The following LRBA variants were observed in gnomAD, a reference collection of about 807,000 sequenced individuals.
The protein encoded by LRBA is lipopolysaccharide-responsive and beige-like anchor protein.
Under a neutral mutation model 330.0 loss-of-function variants are expected in LRBA, and 176 were observed. The ratio of observed to expected loss-of-function variants is 0.53; its 90% CI spans 0.47 to 0.60. LRBA has a LOEUF of 0.60. Among genes scored for constraint, LRBA ranks in the 20% least tolerant of loss-of-function variants. The pLI is 0.00. For missense variants in LRBA, 3,259 were observed against 3,444.8 expected, an observed-to-expected ratio of 0.95 and a Z score of 1.35; for synonymous variants, 1,230 against 1,193.0, an observed-to-expected ratio of 1.03 and a Z score of -0.64.
chr4:150,932,252 A>C (rs1313024333), intron 2 of LRBA, among the ~76,000 whole-genome samples: 11 of 152,042 alleles, frequency 7.2e-5, no homozygotes, highest in Non-Finnish European at 1.5e-4. Flanking sequence ...CAAAAAGTAA[A>C]TTAAACACTT....
intron 47 of LRBA, among the ~76,000 whole-genome samples, chr4:150,365,303 G>A (rs963005260): frequency 2.0e-5 from 3 of 151,908 alleles, no homozygotes; most frequent in African/African-American, 7.3e-5. Context: ...AACTGCACCC[G>A]GCCTCATTAT....
intron 31 of LRBA, among the ~76,000 whole-genome samples, chr4:150,810,554 G>A (rs1435487619): frequency 4.6e-5 from 7 of 152,100 alleles, no homozygotes; most frequent in Admixed American, 2.6e-4. Context: ...CATAGGATTC[G>A]TTTAAAAATG....
chr4:150,666,053 T>G (rs2126845243), intron 37 of LRBA, among the ~76,000 whole-genome samples: 1 of 152,018 alleles, frequency 6.6e-6, no homozygotes, highest in Admixed American at 6.6e-5. Context: ...AATGACTGCC[T>G]AGGGGCAGGG....
intron 2 of LRBA, among the ~76,000 whole-genome samples, chr4:150,932,222 C>T (rs1734582589): frequency 6.6e-6 from 1 of 151,196 alleles, no homozygotes; most frequent in Non-Finnish European, 1.5e-5. Context: ...TAATCAGAAA[C>T]TCTATATGCA....
At chr4:150,901,957 C>G (rs1226178626) in intron 13 of LRBA, among the ~76,000 whole-genome samples, 1 of 152,100 alleles carries the variant, frequency 6.6e-6, no homozygotes, top group Non-Finnish European at 1.5e-5. Context: ...ATGCATAACA[C>G]TGTATCATGG....
At chr4:150,305,322 C>G (rs1560989339) in intron 52 of LRBA, among the ~76,000 whole-genome samples, 1 of 152,220 alleles carries the variant, frequency 6.6e-6, no homozygotes, top group Non-Finnish European at 1.5e-5. Context: ...AGTCACTGCT[C>G]TGTTTCTCCA....
chr4:150,591,503 C>T (rs970197914), intron 38 of LRBA, among the ~76,000 whole-genome samples: 2 of 152,168 alleles, frequency 1.3e-5, no homozygotes, highest in Non-Finnish European at 1.5e-5. Context: ...CACTCCTCCG[C>T]CCTTTTGTCC....
intron 51 of LRBA, chr4:150,315,293 T>C (rs1352388100): frequency 5.7e-6 from 3 of 523,886 alleles, no homozygotes; most frequent in Non-Finnish European, 1.0e-5. Flanking sequence ...CAGTACTTCA[T>C]GCGCATTCTC....
intron 47 of LRBA, among the ~76,000 whole-genome samples, chr4:150,362,225 A>T (rs1339610701): frequency 1.3e-5 from 2 of 152,300 alleles, no homozygotes; most frequent in South Asian, 4.1e-4. Flanking sequence ...GAAATGTGGC[A>T]GTCATCTTGA....
intron 36 of LRBA, among the ~76,000 whole-genome samples, chr4:150,688,435 T>C (rs1005338713): frequency 6.6e-6 from 1 of 151,964 alleles, no homozygotes. Context: ...AATGGCAACA[T>C]AAGTCAAAAT....
intron 37 of LRBA, among the ~76,000 whole-genome samples, chr4:150,641,243 C>T (rs185673025): frequency 1.1e-4 from 16 of 152,216 alleles, no homozygotes; most frequent in Admixed American, 1.0e-3. Context: ...CCTCAATATC[C>T]TCAAAATGTA....
chr4:150,900,219 T>C lies in LRBA; in HGVS notation c.1756-2A>G, dbSNP rs1384417644. On this transcript the variant is annotated splice_acceptor_variant, in intron 13 of 56. Coordinates refer to ENST00000651943, the MANE Select transcript of LRBA (RefSeq NM_001364905.1). LOFTEE classifies it high-confidence loss of function. The stretch of plus-strand genomic sequence containing the variant: ...ATAAGTATAGAGCATCAGTTGAACC[T>C]ACAGAATAAAAATGAAGAACTTAGA... 1.2e-6 allele frequency: 2 copies of C among 1,601,818 alleles called. No individual in the cohort carries two copies. The highest frequency in any genetic ancestry group is 1.1e-5 in the South Asian group (1 of 88,484).
Position 150,282,455 on chromosome 4 carries a change from T to C in LRBA, c.8311A>G (p.Ile2771Val), listed in dbSNP as rs1386855763. 2 of 1,613,960 alleles carry C rather than the reference T, an allele frequency of 1.2e-6. No homozygotes were observed. Among genetic ancestry groups the C allele is most frequent in the East Asian group, 2.2e-5 (1 of 44,878 alleles). The change falls in exon 55 of 57, where the codon ATA becomes GTA. Residue 2771 changes from isoleucine (I) to valine (V), a missense_variant. By Grantham distance (29) the Ile-to-Val change is conservative. Transcript: ENST00000651943. The stretch of plus-strand genomic sequence containing the variant: ...AGAGTCCCCAGGGCACTCACTCTTA[T>C]GTTATCATCTGTTTCCATCGTGGCC... ...LQATMETDDNIRAIQLSRDGQ... is the reference protein window; with the variant it reads ...LQATMETDDNVRAIQLSRDGQ...
chr4:150,568,582 T>G (rs900285898), intron 40 of LRBA, among the ~76,000 whole-genome samples: 8 of 152,084 alleles, frequency 5.3e-5, no homozygotes, highest in African/African-American at 1.9e-4. Flanking sequence ...GTGTAAATAA[T>G]CCCAAAGAAA....
chr4:150,949,217 TAAAC>T (rs1736555153), intron 2 of LRBA, among the ~76,000 whole-genome samples: 1 of 152,044 alleles, frequency 6.6e-6, no homozygotes, highest in Non-Finnish European at 1.5e-5. Flanking sequence ...GCTAAATGGT[TAAAC>T]AAACTGTAGT....
chr4:150,855,171 T>A (rs1309606495), intron 22 of LRBA, among the ~76,000 whole-genome samples: 4 of 151,978 alleles, frequency 2.6e-5, no homozygotes, highest in Admixed American at 6.6e-5. Context: ...GGCAGGAAAA[T>A]TGCTTGAACC....
intron 36 of LRBA, among the ~76,000 whole-genome samples, chr4:150,690,273 G>A (rs188511367): frequency 4.6e-5 from 7 of 152,192 alleles, no homozygotes; most frequent in East Asian, 1.9e-4. Flanking sequence ...GGAGGCCGAG[G>A]CAGGTAGATC....
intron 40 of LRBA, among the ~76,000 whole-genome samples, chr4:150,559,140 TAAAA>T (rs561666718): frequency 6.6e-6 from 1 of 151,842 alleles, no homozygotes; most frequent in East Asian, 1.9e-4. Context: ...ACTATTCTGT[TAAAA>T]AAAGGAGAGA....
chr4:150,279,628 C>T (rs543306420), intron 55 of LRBA, among the ~76,000 whole-genome samples: 4 of 152,316 alleles, frequency 2.6e-5, no homozygotes, highest in Non-Finnish European at 4.4e-5. Flanking sequence ...CACCCAAATG[C>T]CAACTTTTAG....
Sources: gnomAD v4.1 joint callset for allele counts (sites outside exome capture counted in the v4.1 genomes callset) on GRCh38, gnomAD v4.1.1 for gene constraint, MANE v1.5 for transcripts, NCBI Gene and HGNC (gene_info 2026-07-23, HGNC 2026-07-21) for gene names.